The following TBC1D8 variants were observed in gnomAD, a reference collection of about 807,000 sequenced individuals.
TBC1D8 encodes BUB2-like protein 1.
In TBC1D8, 65 loss-of-function variants were observed where a neutral mutation model predicts 118.8. That is an observed-to-expected ratio of 0.55 (90% CI 0.45 to 0.67). The LOEUF (loss-of-function observed/expected upper bound fraction) is 0.67. Among genes scored for constraint, TBC1D8 ranks in the 30% least tolerant of loss-of-function variants. The pLI is 0.00. For missense variants in TBC1D8, 1,376 were observed against 1,471.2 expected (o/e 0.94, Z 1.06); for synonymous variants, 566 against 595.8 (o/e 0.95, Z 0.73).
rs554001491 is a variant in TBC1D8, at chr2:101,115,278, T to C, written c.128-24914A>G. 8.5e-5 allele frequency among the ~76,000 whole-genome samples: 13 copies of C among 152,216 alleles called. No homozygotes were observed. In the East Asian group the frequency reaches 1.9e-3, roughly 23 times the overall value. On this transcript the variant is annotated intron_variant, in intron 1 of 19. Coordinates refer to ENST00000409318, the MANE Select transcript of TBC1D8 (RefSeq NM_001330348.2). ...GAAGAACAGACGTGGAGCCAGTAAT[T>C]AGAAAAAAATCAAATGAAATTAAAA... is the stretch of plus-strand genomic sequence containing the variant.
chr2:101,007,878 G>C lies in TBC1D8; in HGVS notation c.3411C>G (p.Leu1137=), dbSNP rs113291929. ...LENAKINQYN[L]KTFEMSHQSQ... ...ATTGGTGGCTCATTTCAAAAGTTTT[G>C]AGATTGTACTGATTGATCTTGGCAT... The change falls in exon 20 of 20, where the codon CTC becomes CTG. Residue 1137 remains leucine, a synonymous_variant. Coordinates refer to ENST00000409318, the MANE Select transcript of TBC1D8 (RefSeq NM_001330348.2). The C allele has an allele frequency of 1.2e-5, 20 of 1,613,490 alleles. 1 individual carries two copies. The highest frequency in any genetic ancestry group is 4.4e-5 in the South Asian group (4 of 91,078).
intron 1 of TBC1D8, 123 bp downstream of exon 1, chr2:101,151,004 T>G: frequency 4.3e-6 from 3 of 704,444 alleles, no homozygotes; most frequent in Non-Finnish European, 5.2e-6. Context: ...GGCAGGGCCG[T>G]CCGGGCCCCG....
chr2:101,072,002 C>T (rs1292343886), intron 2 of TBC1D8, among the ~76,000 whole-genome samples: 1 of 152,094 alleles, frequency 6.6e-6, no homozygotes, highest in African/African-American at 2.4e-5. Context: ...ACTCCTTGAC[C>T]CATGGGCTGC....
Position 101,059,421 on chromosome 2 carries a change from C to A in TBC1D8, c.402G>T (p.Lys134Asn). Reference protein sequence around the residue: ...DIASFVKGKVKALIAEETSSR... With the variant: ...DIASFVKGKVNALIAEETSSR... Reference sequence around the variant, plus strand: ...GAAACATGAAACTCAGGGGACCTACCTTTACCTTCCCTTTGACAAAACTGG... The same window carrying A: ...GAAACATGAAACTCAGGGGACCTACATTTACCTTCCCTTTGACAAAACTGG... The change falls in exon 3 of 20, where the codon AAG becomes AAT. Residue 134 changes from lysine to asparagine, a missense_variant and splice_region_variant. Lys to Asn is a moderately conservative substitution (Grantham distance 94). Transcript: ENST00000409318. 1 of 1,611,528 alleles carries A rather than the reference C, an allele frequency of 6.2e-7. No homozygotes were observed. Among genetic ancestry groups the A allele is most frequent in the Non-Finnish European group, 8.5e-7 (1 of 1,177,842 alleles).
chr2:101,072,749 C>A (rs1341937070), intron 2 of TBC1D8, among the ~76,000 whole-genome samples: 1 of 152,138 alleles, frequency 6.6e-6, no homozygotes, highest in Admixed American at 6.5e-5. Flanking sequence ...TGTGCACTTG[C>A]CTGCCGCTCA....
At chr2:101,028,275 C>T (rs375946961) in intron 13 of TBC1D8, 28 bp downstream of exon 13, 122 of 1,515,026 alleles carry the variant, frequency 8.1e-5, no homozygotes, top group Middle Eastern at 2.2e-4. Flanking sequence ...GGGGCTGCAA[C>T]GGGGCATGGG....
Position 101,059,529 on chromosome 2 carries a change from T to A in TBC1D8, c.294A>T (p.Leu98Phe). ...VYWAIATGATLEEINQHWDWL... is the reference protein window; with the variant it reads ...VYWAIATGATFEEINQHWDWL... ...AGTCCCAGTGCTGATTGATTTCCTC[T>A]AATGTTGCACCTGGATTCAAACAGA... Residue 98 changes from leucine (L) to phenylalanine (F), a missense_variant, in exon 3 of 20, where the codon TTA becomes TTT. Transcript: ENST00000409318. 6.2e-7 allele frequency: 1 copy of A among 1,612,280 alleles called. No homozygotes were observed. The highest frequency in any genetic ancestry group is 8.5e-7 in the Non-Finnish European group (1 of 1,178,720).
At chr2:101,059,385 A>C (rs1682629967) in intron 3 of TBC1D8, 36 bp downstream of exon 3, 1 of 1,501,196 alleles carries the variant, frequency 6.7e-7, no homozygotes, top group Admixed American at 1.7e-5. Flanking sequence ...AGAAAGATGG[A>C]AAGATGGGGA....
chr2:101,012,393 C>G (rs982728857), intron 17 of TBC1D8, among the ~76,000 whole-genome samples: 1 of 152,214 alleles, frequency 6.6e-6, no homozygotes, highest in Non-Finnish European at 1.5e-5. Context: ...ACGCATGCTA[C>G]AGCATGGATG....
At chr2:101,030,072 T>C (rs1680580815) in intron 11 of TBC1D8, 1 of 244,528 alleles carries the variant, frequency 4.1e-6, no homozygotes, top group Non-Finnish European at 7.9e-6. Flanking sequence ...AAATAGACCA[T>C]AGACCTACAT....
intron 1 of TBC1D8, chr2:101,110,095 G>A: frequency 2.3e-6 from 2 of 876,326 alleles, no homozygotes; most frequent in Non-Finnish European, 2.7e-6. Flanking sequence ...CAAGTGACAA[G>A]TTTTATAATT....
intron 2 of TBC1D8, among the ~76,000 whole-genome samples, chr2:101,083,998 G>T (rs1190782457): frequency 1.3e-5 from 2 of 152,292 alleles, no homozygotes; most frequent in East Asian, 1.9e-4. Flanking sequence ...TGCACTGAAA[G>T]AACAAATTCT....
At position 101,010,913 on chromosome 2, in the gene TBC1D8, T is replaced by A; in HGVS notation, c.3015+16A>T. On this transcript the variant is annotated intron_variant, in intron 19 of 19. Transcript: ENST00000409318. Reference sequence around the variant, plus strand: ...AAAAAAAAAAGTTAATTCTCTGCACTGAAGAAAGTCCATACCTGGCTCATT... The same window carrying A: ...AAAAAAAAAAGTTAATTCTCTGCACAGAAGAAAGTCCATACCTGGCTCATT... The A allele has an allele frequency of 6.3e-7, 1 of 1,595,136 alleles. No homozygotes were observed. Among genetic ancestry groups the A allele is most frequent in the Non-Finnish European group, 8.6e-7 (1 of 1,168,564 alleles).
intron 11 of TBC1D8, among the ~76,000 whole-genome samples, chr2:101,031,422 C>A (rs1240273924): frequency 6.6e-6 from 1 of 152,176 alleles, no homozygotes; most frequent in Non-Finnish European, 1.5e-5. Flanking sequence ...TTCAAGGGCG[C>A]CTTCTTCCCG....
At chr2:101,108,939 C>A (rs1257711559) in intron 1 of TBC1D8, among the ~76,000 whole-genome samples, 1 of 152,122 alleles carries the variant, frequency 6.6e-6, no homozygotes, top group Non-Finnish European at 1.5e-5. Context: ...GCATGAGAAA[C>A]CAAAACCAGG....
intron 17 of TBC1D8, among the ~76,000 whole-genome samples, chr2:101,015,848 G>A (rs1679590846): frequency 1.3e-5 from 2 of 152,138 alleles, no homozygotes; most frequent in African/African-American, 4.8e-5. Context: ...AATAAATGGT[G>A]TTGGGAAAAC....
chr2:101,008,363 G>T, intron 19 of TBC1D8, 90 bp from the exon 20 acceptor site: 1 of 1,035,648 alleles, frequency 9.7e-7, no homozygotes, highest in Non-Finnish European at 1.3e-6. Flanking sequence ...TTGAGAAAAC[G>T]ACACAGTATT....
intron 1 of TBC1D8, among the ~76,000 whole-genome samples, chr2:101,122,786 G>C (rs978380499): frequency 3.3e-5 from 5 of 152,172 alleles, no homozygotes; most frequent in Non-Finnish European, 5.9e-5. Context: ...TTTGAAGACA[G>C]ATCCGCTTGC....
intron 8 of TBC1D8, among the ~76,000 whole-genome samples, chr2:101,037,213 G>A (rs1043201523): frequency 2.6e-5 from 4 of 152,180 alleles, no homozygotes; most frequent in African/African-American, 9.7e-5. Flanking sequence ...AAGCTATAAC[G>A]CGGGGCACAC....
Sources: allele counts gnomAD v4.1 joint callset (sites outside exome capture counted in the v4.1 genomes callset), GRCh38; gene constraint gnomAD v4.1.1; transcripts MANE v1.5; gene names NCBI Gene and HGNC (gene_info 2026-07-23, HGNC 2026-07-21).